CISD2: variants seen among roughly 807,000 people sequenced by gnomAD.
CISD2 encodes CDGSH iron sulfur domain 2, also known as CDGSH iron-sulfur domain-containing protein 2.
A neutral mutation model predicts 12.9 loss-of-function variants in CISD2; 1 was observed. The observed-to-expected ratio is 0.08, with a 90% confidence interval of 0.03 to 0.37. The LOEUF (loss-of-function observed/expected upper bound fraction) is 0.37, where lower values mean the gene tolerates loss of function less well. Among genes scored for constraint, CISD2 ranks in the 10% least tolerant of loss-of-function variants. The probability of loss-of-function intolerance (pLI) is 0.99; values close to 1 mark genes in which losing one functional copy is unlikely to be tolerated. For missense variants in CISD2, 97 were observed against 163.1 expected, an observed-to-expected ratio of 0.59 and a Z score of 2.21; for synonymous variants, 50 against 60.6, an observed-to-expected ratio of 0.83 and a Z score of 0.81.
chr4:102,882,709 T>C (rs1258836252), intron 1 of CISD2: 1 of 152,588 alleles, frequency 6.6e-6, no homozygotes, highest in African/African-American at 2.4e-5. Flanking sequence ...TACTTAATTT[T>C]AATTTATTTA....
intron 1 of CISD2, among the ~76,000 whole-genome samples, chr4:102,884,315 A>G (rs1733805504): frequency 6.6e-6 from 1 of 152,182 alleles, no homozygotes; most frequent in Non-Finnish European, 1.5e-5. Flanking sequence ...TTTATCTTTA[A>G]TGTTTATTAG....
At chr4:102,878,277 G>A (rs1285583650) in intron 1 of CISD2, among the ~76,000 whole-genome samples, 2 of 152,050 alleles carry the variant, frequency 1.3e-5, no homozygotes, top group African/African-American at 4.8e-5. Context: ...AACTACAGGT[G>A]TGCACCACCA....
At chr4:102,882,245 A>G (rs72663170) in intron 1 of CISD2, among the ~76,000 whole-genome samples, 2,498 of 152,246 alleles carry the variant, frequency 0.016, 28 homozygotes, top group Middle Eastern at 0.061. Context: ...TCGCTTTTTG[A>G]TAAATTTAAG....
chr4:102,881,973 C>T (rs1348381488), intron 1 of CISD2, among the ~76,000 whole-genome samples: 2 of 152,200 alleles, frequency 1.3e-5, no homozygotes, highest in Non-Finnish European at 2.9e-5. Context: ...AGGCGGATCA[C>T]TTGAGGTCAG....
chr4:102,889,350 G>GA lies in CISD2; in HGVS notation c.*1926dup, dbSNP rs957834339. On this transcript the variant is annotated 3_prime_UTR_variant, in exon 3 of 3. Coordinates refer to ENST00000273986, the MANE Select transcript of CISD2 (RefSeq NM_001008388.5). ...TTCCACAGTTGGTCACCAGACTTTGGAAAAAATCCACCTCACCAAAATTTT... is the reference window on the plus strand; with the variant it reads ...TTCCACAGTTGGTCACCAGACTTTGGAAAAAAATCCACCTCACCAAAATTTT... 3 of 152,304 alleles carry GA rather than the reference G, an allele frequency of 2.0e-5. No individual in the cohort carries two copies. The highest frequency in any genetic ancestry group is 2.9e-5 in the Non-Finnish European group (2 of 68,010). 9.4% of individuals were successfully genotyped at this position (152,304 alleles called of 1,614,324 possible).
At chr4:102,886,448 G>A (rs557616809) in intron 2 of CISD2, among the ~76,000 whole-genome samples, 5 of 151,794 alleles carry the variant, frequency 3.3e-5, no homozygotes, top group African/African-American at 9.7e-5. Context: ...CCAAGATCAC[G>A]CCACTGCACT....
At chr4:102,885,819 T>C (rs1267582526) in intron 2 of CISD2, among the ~76,000 whole-genome samples, 1 of 152,230 alleles carries the variant, frequency 6.6e-6, no homozygotes, top group Non-Finnish European at 1.5e-5. Context: ...ATCTCTAATC[T>C]TCAGGGTTTG....
chr4:102,873,168 G>T (rs1297391188), intron 1 of CISD2, among the ~76,000 whole-genome samples: 1 of 152,182 alleles, frequency 6.6e-6, no homozygotes, highest in Non-Finnish European at 1.5e-5. Context: ...CTTGGCACGA[G>T]ATTATGGGGA....
Position 102,869,005 on chromosome 4 carries a change from C to CGCTTCCGCTCCCGGCGCAGGCGCGGCA in CISD2, c.-75_-49dup. ...GCCGAGGCCGCCAGTGCCCGCCGGCCGCTTCCGCTCCCGGCGCAGGCGCGG... is the reference window on the plus strand; with the variant it reads ...GCCGAGGCCGCCAGTGCCCGCCGGCCGCTTCCGCTCCCGGCGCAGGCGCGGCAGCTTCCGCTCCCGGCGCAGGCGCGG... On this transcript the variant is annotated 5_prime_UTR_variant, in exon 1 of 3. Transcript: ENST00000273986. 6 of 1,451,282 alleles carry CGCTTCCGCTCCCGGCGCAGGCGCGGCA rather than the reference C, an allele frequency of 4.1e-6. No individual in the cohort carries two copies. The highest frequency in any genetic ancestry group is 5.5e-6 in the Non-Finnish European group (6 of 1,099,620). 89.9% of individuals were successfully genotyped at this position (1,451,282 alleles called of 1,614,324 possible).
In CISD2 at chr4:102,869,342, G is replaced by T. The variant is rs569211378; in HGVS notation, c.103+155G>T. 2.7e-4 allele frequency: 272 copies of T among 1,008,028 alleles called. No individual in the cohort carries two copies. In the African/African-American group the frequency reaches 3.9e-3, roughly 15 times the overall value. 62.4% of individuals were successfully genotyped at this position (1,008,028 alleles called of 1,614,324 possible). A position where few individuals can be genotyped will look rare whatever the true frequency, so the allele number is the denominator to read the frequency against. On this transcript the variant is annotated intron_variant, in intron 1 of 2. Coordinates refer to ENST00000273986, the MANE Select transcript of CISD2 (RefSeq NM_001008388.5). The stretch of plus-strand genomic sequence containing the variant: ...AAGGTGGGCGCGCGCCGACGCAGCT[G>T]CCTGGGGAACGCCTGTGAGGCAGTC...
At position 102,889,937 on chromosome 4, in the gene CISD2, CAT is replaced by C. The variant is rs1300561062; in HGVS notation, c.*2508_*2509del. On this transcript the variant is annotated 3_prime_UTR_variant, in exon 3 of 3. Transcript: ENST00000273986. ...AAAAAGTAACTTGGCTCTTGAAATA[CAT>C]GTCTTCGGTTTCTAGAGCCTTCAAA... 8 of 152,026 alleles carry C rather than the reference CAT, an allele frequency of 5.3e-5. No individual in the cohort carries two copies. The highest frequency in any genetic ancestry group is 1.9e-4 in the African/African-American group (8 of 41,386). 9.4% of individuals were successfully genotyped at this position (152,026 alleles called of 1,614,324 possible). A position where few individuals can be genotyped will look rare whatever the true frequency, so the allele number is the denominator to read the frequency against.
Position 102,889,348 on chromosome 4 carries a change from T to C in CISD2, c.*1918T>C, listed in dbSNP as rs1734111674. ...TTTTCCACAGTTGGTCACCAGACTT[T>C]GGAAAAAATCCACCTCACCAAAATT... On this transcript the variant is annotated 3_prime_UTR_variant, in exon 3 of 3. Transcript: ENST00000273986. 1.3e-5 allele frequency: 2 copies of C among 152,268 alleles called. No individual in the cohort carries two copies. The highest frequency in any genetic ancestry group is 4.1e-4 in the South Asian group (2 of 4,836). The allele number at this position is 152,268 out of a possible 1,614,324, so 9.4% of individuals were successfully genotyped here.
rs1277357119 is a variant in CISD2 at position 102,888,937 on chromosome 4, T to A, written c.*1507T>A. On this transcript the variant is annotated 3_prime_UTR_variant, in exon 3 of 3. Transcript: ENST00000273986. Reference sequence around the variant, plus strand: ...TCTATTTAAGATACAGTTTATTCAGTTCACTTTGCTTTCTTTTTATAAGAA... The same window carrying A: ...TCTATTTAAGATACAGTTTATTCAGATCACTTTGCTTTCTTTTTATAAGAA... 6.6e-6 allele frequency: 1 copy of A among 152,264 alleles called. No homozygotes were observed. The highest frequency in any genetic ancestry group is 1.5e-5 in the Non-Finnish European group (1 of 68,048). 9.4% of individuals were successfully genotyped at this position (152,264 alleles called of 1,614,324 possible).
Position 102,869,100 on chromosome 4 carries a change from G to C in CISD2, c.16G>C (p.Val6Leu). The change falls in exon 1 of 3, where the codon GTG (valine) becomes CTG (leucine). Residue 6 changes from valine (V) to leucine (L), a missense_variant. By Grantham distance (32) the Val-to-Leu change is conservative. Coordinates refer to ENST00000273986, the MANE Select transcript of CISD2 (RefSeq NM_001008388.5). MVLES[V>L]ARIVKVQLPA... is the part of the protein sequence containing the mutation. ...GCTGGCCAGGATGGTGCTGGAGAGC[G>C]TGGCCCGTATCGTGAAGGTGCAGCT... 1 of 1,611,792 alleles carries C rather than the reference G, an allele frequency of 6.2e-7. No individual in the cohort carries two copies.
chr4:102,887,234 T>C, intron 2 of CISD2, 107 bp from the exon 3 acceptor site: 2 of 691,562 alleles, frequency 2.9e-6, no homozygotes, highest in South Asian at 3.2e-5. Context: ...AACGATCTGA[T>C]TTTTTTTAGC....
chr4:102,877,342 CAG>C (rs977180408), intron 1 of CISD2, among the ~76,000 whole-genome samples: 6 of 152,204 alleles, frequency 3.9e-5, no homozygotes, highest in Non-Finnish European at 8.8e-5. Context: ...TTGGCCAAAA[CAG>C]AAGGGCCACA....
intron 1 of CISD2, among the ~76,000 whole-genome samples, chr4:102,879,769 C>T (rs1452666648): frequency 6.6e-6 from 1 of 151,866 alleles, no homozygotes; most frequent in Non-Finnish European, 1.5e-5. Flanking sequence ...GAGACTCCAT[C>T]TCAAAAACAA....
chr4:102,869,646 T>TA (rs1733374106), intron 1 of CISD2: 1 of 626,050 alleles, frequency 1.6e-6, no homozygotes, highest in African/African-American at 1.8e-5. Flanking sequence ...AATATAGACT[T>TA]ACACGTAACA....
rs772403549 is a variant in CISD2, at chr4:102,869,150, A to G, written c.66A>G (p.Pro22=). The part of the protein sequence containing the change: ...VQLPAYLKRL[P]VPESITGFAR... ...TCCCTGCATATCTGAAGCGGCTCCC[A>G]GTCCCTGAAAGCATTACCGGGTTCG... The change falls in exon 1 of 3, where the codon CCA becomes CCG. Residue 22 remains proline, a synonymous_variant. Transcript: ENST00000273986. 1 of 1,612,416 alleles carries G rather than the reference A, an allele frequency of 6.2e-7. No individual in the cohort carries two copies. Among genetic ancestry groups the G allele is most frequent in the Admixed American group, 1.7e-5 (1 of 59,914 alleles).
Sources: allele counts gnomAD v4.1 joint callset (sites outside exome capture counted in the v4.1 genomes callset), GRCh38; gene constraint gnomAD v4.1.1; transcripts MANE v1.5; gene names NCBI Gene and HGNC (gene_info 2026-07-23, HGNC 2026-07-21).